GPR158: variants seen among roughly 807,000 people sequenced by gnomAD.
GPR158 encodes G protein-coupled receptor 158.
GPR158 carries 30 observed loss-of-function variants against 78.2 expected under a neutral mutation model. The ratio of observed to expected loss-of-function variants is 0.38; its 90% CI spans 0.29 to 0.52. The LOEUF is 0.52. GPR158 is among the 20% of genes least tolerant of loss of function. The probability of loss-of-function intolerance (pLI) is 0.83; values close to 1 mark genes in which losing one functional copy is unlikely to be tolerated. For missense variants in GPR158, 1,463 were observed against 1,523.5 expected (o/e 0.96, Z 0.66); for synonymous variants, 581 against 591.1 (o/e 0.98, Z 0.25).
chr10:25,575,167 T>C (rs1214209916), intron 7 of GPR158, among the ~76,000 whole-genome samples: 1 of 152,062 alleles, frequency 6.6e-6, no homozygotes, highest in Non-Finnish European at 1.5e-5. Context: ...GAATACATTG[T>C]GAGTAATGCT....
chr10:25,202,754 C>A (rs1744520722), intron 1 of GPR158, among the ~76,000 whole-genome samples: 1 of 152,122 alleles, frequency 6.6e-6, no homozygotes, highest in Admixed American at 6.5e-5. Context: ...ATGTATAATC[C>A]TTTGGGCATA....
intron 2 of GPR158, among the ~76,000 whole-genome samples, chr10:25,322,053 AC>A (rs1194495735): frequency 2.0e-5 from 3 of 152,306 alleles, no homozygotes; most frequent in East Asian, 3.9e-4. Flanking sequence ...TATTCAGACC[AC>A]GTTGTAGTTA....
intron 2 of GPR158, among the ~76,000 whole-genome samples, chr10:25,307,956 T>C (rs751203735): frequency 1.4e-4 from 21 of 152,166 alleles, no homozygotes; most frequent in Non-Finnish European, 2.4e-4. Flanking sequence ...TTCTTACATA[T>C]TGTCAGATTC....
chr10:25,239,599 C>T (rs1853576058), intron 2 of GPR158, among the ~76,000 whole-genome samples: 1 of 110,550 alleles, frequency 9.0e-6, no homozygotes, highest in Non-Finnish European at 1.8e-5. Context: ...CAGAGCGAGA[C>T]TCTGTCTCAA....
chr10:25,535,258 T>A (rs949320819), intron 5 of GPR158, among the ~76,000 whole-genome samples: 1 of 152,228 alleles, frequency 6.6e-6, no homozygotes, highest in Admixed American at 6.5e-5. Context: ...TAGTTTCTAA[T>A]CAATCAAACA....
intron 2 of GPR158, among the ~76,000 whole-genome samples, chr10:25,326,947 A>G (rs1855043084): frequency 6.6e-6 from 1 of 152,158 alleles, no homozygotes. Context: ...TCATCTTATG[A>G]TTGTGCTATG....
At chr10:25,183,719 A>G (rs1448299804) in intron 1 of GPR158, among the ~76,000 whole-genome samples, 2 of 152,232 alleles carry the variant, frequency 1.3e-5, no homozygotes, top group East Asian at 1.9e-4. Context: ...CACTGCACCT[A>G]TAGCTTAAAA....
chr10:25,271,918 G>T (rs1282260101), intron 2 of GPR158, among the ~76,000 whole-genome samples: 2 of 152,088 alleles, frequency 1.3e-5, no homozygotes, highest in African/African-American at 2.4e-5. Context: ...GGGATTACAG[G>T]CATAAGCCAC....
chr10:25,424,221 A>C (rs1287150253), intron 4 of GPR158, among the ~76,000 whole-genome samples: 1 of 152,032 alleles, frequency 6.6e-6, no homozygotes, highest in East Asian at 1.9e-4. Flanking sequence ...CCACTTTTTG[A>C]TGGGGTTGTT....
chr10:25,485,766 G>T (rs554004867), intron 5 of GPR158, among the ~76,000 whole-genome samples: 21 of 152,210 alleles, frequency 1.4e-4, no homozygotes, highest in Admixed American at 1.2e-3. Context: ...CTATCCTTGA[G>T]TATTCCCAAC....
At chr10:25,474,451 G>T (rs1835553115) in intron 5 of GPR158, among the ~76,000 whole-genome samples, 2 of 151,838 alleles carry the variant, frequency 1.3e-5, no homozygotes, top group African/African-American at 4.8e-5. Flanking sequence ...AGGCTAATTA[G>T]CATATAGTCA....
chr10:25,485,209 T>G (rs955725221), intron 5 of GPR158, among the ~76,000 whole-genome samples: 5 of 152,090 alleles, frequency 3.3e-5, no homozygotes, highest in African/African-American at 7.2e-5. Flanking sequence ...GGCTTAAAAG[T>G]ACACTGAAAA....
chr10:25,562,275 T>A (rs1444777343), intron 6 of GPR158, among the ~76,000 whole-genome samples: 1 of 152,164 alleles, frequency 6.6e-6, no homozygotes, highest in Admixed American at 6.5e-5. Flanking sequence ...TTGTGTCTGC[T>A]GTTTTTCGAC....
chr10:25,473,165 C>G (rs4749033), intron 5 of GPR158, among the ~76,000 whole-genome samples: 100,857 of 148,574 alleles, frequency 0.68, 34,527 homozygotes, highest in East Asian at 0.99. Flanking sequence ...TTAGCATGAA[C>G]GGTTGTTGAA....
chr10:25,276,981 A>T (rs1432195601), intron 2 of GPR158, among the ~76,000 whole-genome samples: 1 of 150,248 alleles, frequency 6.7e-6, no homozygotes, highest in South Asian at 2.1e-4. Flanking sequence ...ACAGGGTCTC[A>T]CTCTGTCGCC....
In GPR158 at chr10:25,379,991, T is replaced by C. The variant is rs531324301; in HGVS notation, c.1009-15920T>C. The stretch of plus-strand genomic sequence containing the variant: ...TTTTTTTTTTCTTTTTTCTTTTGTA[T>C]TTTATCCAGATGTTCTAATTGTTTT... On this transcript the variant is annotated intron_variant, in intron 2 of 10. Coordinates refer to ENST00000376351, the MANE Select transcript of GPR158 (RefSeq NM_020752.3). Among the ~76,000 whole-genome samples the C allele has an allele frequency of 2.6e-5, 4 of 152,208 alleles. No individual in the cohort carries two copies. In the East Asian group the frequency reaches 5.8e-4, roughly 22 times the overall value.
chr10:25,330,921 C>T (rs1231247042), intron 2 of GPR158, among the ~76,000 whole-genome samples: 1 of 152,070 alleles, frequency 6.6e-6, no homozygotes, highest in Non-Finnish European at 1.5e-5. Context: ...AGTAAATGCC[C>T]ATTTTTATTT....
chr10:25,535,148 G>A (rs1836483300), intron 5 of GPR158, among the ~76,000 whole-genome samples: 1 of 152,164 alleles, frequency 6.6e-6, no homozygotes. Flanking sequence ...CATTTCTGAT[G>A]ATATAAAAGT....
At chr10:25,427,483 CT>C (rs1176830071) in intron 4 of GPR158, among the ~76,000 whole-genome samples, 10 of 152,038 alleles carry the variant, frequency 6.6e-5, no homozygotes, top group African/African-American at 2.2e-4. Flanking sequence ...ATAATAGTTT[CT>C]TTCAGTCAGT....
Sources: gnomAD v4.1 joint callset for allele counts (sites outside exome capture counted in the v4.1 genomes callset) on GRCh38, gnomAD v4.1.1 for gene constraint, MANE v1.5 for transcripts, NCBI Gene and HGNC (gene_info 2026-07-23, HGNC 2026-07-21) for gene names.